Variants in RALGPS2 observed in about 807,000 individuals in gnomAD.
The protein encoded by RALGPS2 is Ral GEF with PH domain and SH3 binding motif 2, also known as ras-specific guanine nucleotide-releasing factor RalGPS2.
In RALGPS2, 43 loss-of-function variants were observed where a neutral mutation model predicts 86.8. The ratio of observed to expected loss-of-function variants is 0.50; its 90% CI spans 0.39 to 0.64. RALGPS2 has a LOEUF of 0.64. Among genes scored for constraint, RALGPS2 ranks in the 30% least tolerant of loss-of-function variants. RALGPS2 has a pLI of 0.00. For missense variants in RALGPS2, 536 were observed against 694.6 expected (o/e 0.77, Z 2.57); for synonymous variants, 243 against 231.3 (o/e 1.05, Z -0.46).
chr1:178,739,584 C>T (rs1014311558), intron 1 of RALGPS2, among the ~76,000 whole-genome samples: 8 of 152,038 alleles, frequency 5.3e-5, no homozygotes, highest in African/African-American at 1.7e-4. Context: ...TGGGATGTGG[C>T]GGGAAATACA....
chr1:178,811,254 C>A, intron 5 of RALGPS2, 61 bp from the exon 6 acceptor site: 1 of 1,339,076 alleles, frequency 7.5e-7, no homozygotes, highest in Non-Finnish European at 1.0e-6. Context: ...TTTTAAAATA[C>A]AGCAAAAAAA....
intron 16 of RALGPS2, 48 bp from the exon 17 acceptor site, chr1:178,897,616 G>A: frequency 6.9e-7 from 1 of 1,458,158 alleles, no homozygotes; most frequent in Admixed American, 1.7e-5. Context: ...AAGAAACTAA[G>A]AAGCCAGGAG....
chr1:178,829,285 T>C (rs1655901829), intron 7 of RALGPS2, among the ~76,000 whole-genome samples: 1 of 152,178 alleles, frequency 6.6e-6, no homozygotes, highest in Non-Finnish European at 1.5e-5. Flanking sequence ...AAAGTTTCAG[T>C]TATGTAGAAC....
rs556776026 is a variant in RALGPS2 at position 178,843,823 on chromosome 1, C to G, written c.607+10273C>G. On this transcript the variant is annotated intron_variant, in intron 8 of 19. Coordinates refer to ENST00000367635, the MANE Select transcript of RALGPS2 (RefSeq NM_152663.5). ...TTGATTGTGAGATTATTGTGGACTC[C>G]TGGGCATAAATATTTGGTAGACATG... is the stretch of plus-strand genomic sequence containing the variant. 2.6e-5 allele frequency among the ~76,000 whole-genome samples: 4 copies of G among 152,190 alleles called. No homozygotes were observed. The South Asian group carries it at 8.3e-4, about 32-fold the overall frequency.
intron 1 of RALGPS2, among the ~76,000 whole-genome samples, chr1:178,743,429 G>A (rs886275422): frequency 6.6e-6 from 1 of 152,098 alleles, no homozygotes; most frequent in Non-Finnish European, 1.5e-5. Context: ...CTACTCATTA[G>A]AATCAATGAA....
rs114160293 is a variant in RALGPS2 at position 178,776,470 on chromosome 1, A to G, written c.-83-212A>G. Among the ~76,000 whole-genome samples the G allele has an allele frequency of 2.0e-3, 307 of 152,326 alleles. 2 individuals carry two copies. Among genetic ancestry groups the G allele is most frequent in the African/African-American group, 7.1e-3 (297 of 41,564 alleles). On this transcript the variant is annotated intron_variant, in intron 1 of 19. Coordinates refer to ENST00000367635, the MANE Select transcript of RALGPS2 (RefSeq NM_152663.5). ...TTGCTTTGCTTATGAAGAACATAAC[A>G]ATAACATCTATTGAATACTGTTTAT...
At chr1:178,771,605 G>A (rs1296637699) in intron 1 of RALGPS2, among the ~76,000 whole-genome samples, 1 of 152,022 alleles carries the variant, frequency 6.6e-6, no homozygotes, top group Non-Finnish European at 1.5e-5. Flanking sequence ...TAAGCAGTCT[G>A]TGAGGAAAAA....
At chr1:178,860,022 T>C (rs1657889462) in intron 8 of RALGPS2, among the ~76,000 whole-genome samples, 1 of 152,046 alleles carries the variant, frequency 6.6e-6, no homozygotes, top group African/African-American at 2.4e-5. Flanking sequence ...CACAACAATT[T>C]ATTTTACAAA....
chr1:178,783,094 C>G (rs956075329), intron 2 of RALGPS2, among the ~76,000 whole-genome samples: 3 of 151,962 alleles, frequency 2.0e-5, no homozygotes, highest in African/African-American at 7.3e-5. Flanking sequence ...GCCAAAGTCT[C>G]TAATGAAAAA....
At chr1:178,866,262 C>T (rs1572427362) in intron 8 of RALGPS2, among the ~76,000 whole-genome samples, 1 of 152,152 alleles carries the variant, frequency 6.6e-6, no homozygotes. Context: ...GGTGACTTTA[C>T]TAGCCAATGT....
intron 4 of RALGPS2, among the ~76,000 whole-genome samples, chr1:178,803,701 ATTTC>A (rs71108080): frequency 0.24 from 35,898 of 151,922 alleles, 4,920 homozygotes; most frequent in Non-Finnish European, 0.32. Context: ...TCATTTCATT[ATTTC>A]TTTCAGAAAT....
At chr1:178,747,923 C>T (rs1651431247) in intron 1 of RALGPS2, among the ~76,000 whole-genome samples, 1 of 152,202 alleles carries the variant, frequency 6.6e-6, no homozygotes, top group South Asian at 2.1e-4. Context: ...ACTGACCATA[C>T]CAAGTGTTCG....
At chr1:178,860,647 G>T (rs981361677) in intron 8 of RALGPS2, among the ~76,000 whole-genome samples, 5 of 152,128 alleles carry the variant, frequency 3.3e-5, no homozygotes, top group African/African-American at 1.2e-4. Flanking sequence ...TTCTGTCTAT[G>T]AATTTGACCA....
chr1:178,840,215 G>A (rs1294404291), intron 8 of RALGPS2, among the ~76,000 whole-genome samples: 1 of 152,026 alleles, frequency 6.6e-6, no homozygotes, highest in Non-Finnish European at 1.5e-5. Context: ...TCAGCACCAT[G>A]TTGCACTTAT....
chr1:178,762,722 A>G (rs1400606823), intron 1 of RALGPS2, among the ~76,000 whole-genome samples: 3 of 152,044 alleles, frequency 2.0e-5, no homozygotes, highest in African/African-American at 7.2e-5. Context: ...AAATTTGTTT[A>G]AGTTCCTTAT....
chr1:178,899,416 T>C (rs996308156), intron 17 of RALGPS2, among the ~76,000 whole-genome samples: 1 of 151,748 alleles, frequency 6.6e-6, no homozygotes, highest in Non-Finnish European at 1.5e-5. Flanking sequence ...ATAGAGGGTA[T>C]AGAGACAGGT....
chr1:178,833,676 A>G (rs1656131934), intron 8 of RALGPS2, 126 bp downstream of exon 8: 1 of 1,376,986 alleles, frequency 7.3e-7, no homozygotes. Flanking sequence ...AAGATTGGTA[A>G]GCTGAAAAAA....
intron 1 of RALGPS2, among the ~76,000 whole-genome samples, chr1:178,729,317 A>G (rs954460498): frequency 1.3e-5 from 2 of 152,046 alleles, no homozygotes; most frequent in African/African-American, 2.4e-5. Context: ...TAAAACGTAC[A>G]TTAGTTTATT....
intron 1 of RALGPS2, chr1:178,746,984 G>T: frequency 1.0e-6 from 1 of 956,446 alleles, no homozygotes; most frequent in Non-Finnish European, 1.7e-6. Context: ...TCTTTCCATC[G>T]TTTCTGTATA....
Sources: allele counts gnomAD v4.1 joint callset (sites outside exome capture counted in the v4.1 genomes callset), GRCh38; gene constraint gnomAD v4.1.1; transcripts MANE v1.5; gene names NCBI Gene and HGNC (gene_info 2026-07-23, HGNC 2026-07-21).